The following BLTP1 variants were observed in gnomAD, a reference collection of about 807,000 sequenced individuals.
The protein encoded by BLTP1 is bridge-like lipid transfer protein family member 1.
chr4:122,357,322 G>C, the BLTP1 span, among the ~76,000 whole-genome samples: 1 of 152,004 alleles, frequency 6.6e-6, no homozygotes, highest in Admixed American at 6.6e-5. Flanking sequence ...CAGCACTTTG[G>C]GATGCCAAGG....
the BLTP1 span, chr4:122,306,018 T>C: frequency 6.2e-7 from 1 of 1,609,318 alleles, no homozygotes; most frequent in South Asian, 1.1e-5. Flanking sequence ...ACCAATTGTT[T>C]ATGCACAGCC....
chr4:122,190,852 A>G, the BLTP1 span, among the ~76,000 whole-genome samples: 2 of 152,086 alleles, frequency 1.3e-5, no homozygotes, highest in Non-Finnish European at 2.9e-5. Context: ...TGCTCTTTTT[A>G]TACCTTTCAG....
the BLTP1 span, chr4:122,274,544 C>T: frequency 4.2e-6 from 6 of 1,445,016 alleles, no homozygotes; most frequent in Non-Finnish European, 5.4e-6. Flanking sequence ...ATATCAGTTC[C>T]CAGATACTGA....
At chr4:122,196,046 A>T in the BLTP1 span, among the ~76,000 whole-genome samples, 36,613 of 152,172 alleles carry the variant, frequency 0.24, 4,822 homozygotes, top group African/African-American at 0.31. Flanking sequence ...AGGCAAAAAC[A>T]TTAGTACTTT....
At chr4:122,239,410 T>C in the BLTP1 span, 34 of 942,890 alleles carry the variant, frequency 3.6e-5, no homozygotes, top group African/African-American at 3.6e-4. Context: ...CTTTTACTTG[T>C]AAAGTACATG....
chr4:122,165,144 A>C, the BLTP1 span, among the ~76,000 whole-genome samples: 1 of 151,900 alleles, frequency 6.6e-6, no homozygotes, highest in Admixed American at 6.6e-5. Flanking sequence ...ATACGTGTAC[A>C]TGTGCCATGC....
At chr4:122,348,459 G>A in the BLTP1 span, 1 of 887,762 alleles carries the variant, frequency 1.1e-6, no homozygotes, top group Non-Finnish European at 1.6e-6. Context: ...TCTAATACAA[G>A]AATATTATAT....
the BLTP1 span, chr4:122,336,113 A>T: frequency 1.7e-6 from 2 of 1,204,276 alleles, no homozygotes; most frequent in Non-Finnish European, 1.1e-6. Context: ...TTGCTTGATT[A>T]AACTTTAATA....
chr4:122,347,536 A>G, the BLTP1 span: 1 of 1,612,998 alleles, frequency 6.2e-7, no homozygotes, highest in South Asian at 1.1e-5. Flanking sequence ...TGGCCCAGGG[A>G]CACCTGATTC....
chr4:122,227,077 A>G, the BLTP1 span: 1 of 560,848 alleles, frequency 1.8e-6, no homozygotes, highest in Non-Finnish European at 2.5e-6. Context: ...TTTTGCTTAC[A>G]TTTTTACTGT....
chr4:122,343,295 T>C, the BLTP1 span: 2 of 1,300,706 alleles, frequency 1.5e-6, no homozygotes, highest in Non-Finnish European at 2.1e-6. Flanking sequence ...TCTATTGATC[T>C]GATGTTTGAG....
chr4:122,347,925 A>C, the BLTP1 span: 1 of 618,266 alleles, frequency 1.6e-6, no homozygotes, highest in African/African-American at 1.8e-5. Context: ...AATCCCCAAC[A>C]CAGTAAAAAC....
chr4:122,181,920 C>G, the BLTP1 span, among the ~76,000 whole-genome samples: 1 of 152,142 alleles, frequency 6.6e-6, no homozygotes, highest in East Asian at 1.9e-4. Flanking sequence ...AAAGTATGAG[C>G]AAATTATTAG....
At chr4:122,313,026 G>A in the BLTP1 span, 21,214 of 286,722 alleles carry the variant, frequency 0.074, 910 homozygotes, top group Middle Eastern at 0.089. Flanking sequence ...TTTTGAAGCT[G>A]AAGTTACCAG....
At chr4:122,249,894 G>C in the BLTP1 span, 4 of 984,820 alleles carry the variant, frequency 4.1e-6, no homozygotes, top group Non-Finnish European at 3.6e-6. Flanking sequence ...AGTAGGTAGA[G>C]CTTGAAAAAC....
chr4:122,230,401 T>C, the BLTP1 span, among the ~76,000 whole-genome samples: 3 of 152,188 alleles, frequency 2.0e-5, no homozygotes, highest in African/African-American at 7.2e-5. Context: ...TTGTCTCTGG[T>C]GATGGTGTAG....
the BLTP1 span, among the ~76,000 whole-genome samples, chr4:122,340,229 T>C: frequency 1.3e-5 from 2 of 152,136 alleles, no homozygotes; most frequent in African/African-American, 4.8e-5. Flanking sequence ...CATTCTATAG[T>C]ATATATGACA....
the BLTP1 span, chr4:122,246,962 G>A: frequency 7.3e-7 from 1 of 1,375,516 alleles, no homozygotes; most frequent in South Asian, 1.6e-5. Context: ...TTATAGATTA[G>A]TAACATATGT....
the BLTP1 span, chr4:122,348,687 T>C: frequency 6.2e-7 from 1 of 1,608,394 alleles, no homozygotes; most frequent in Non-Finnish European, 8.5e-7. Flanking sequence ...AACGTTCAAA[T>C]GAATATGAGT....
Sources: gnomAD v4.1 joint callset for allele counts (sites outside exome capture counted in the v4.1 genomes callset) on GRCh38, gnomAD v4.1.1 for gene constraint, MANE v1.5 for transcripts, NCBI Gene and HGNC (gene_info 2026-07-23, HGNC 2026-07-21) for gene names.